The following NR1D2 variants were observed in gnomAD, a reference collection of about 807,000 sequenced individuals.
The protein encoded by NR1D2 is V-erbA-related protein 1-related.
In NR1D2, 25 loss-of-function variants were observed where a neutral mutation model predicts 52.2. That is an observed-to-expected ratio of 0.48 (90% CI 0.35 to 0.67). NR1D2 has a LOEUF of 0.67. NR1D2 is among the 30% of genes least tolerant of loss of function. NR1D2 has a pLI of 0.01. For missense variants in NR1D2, 681 were observed against 707.2 expected (o/e 0.96, Z 0.42); for synonymous variants, 259 against 230.1 (o/e 1.13, Z -1.14).
intron 5 of NR1D2, among the ~76,000 whole-genome samples, chr3:23,964,301 A>G (rs1575155303): frequency 6.6e-6 from 1 of 150,890 alleles, no homozygotes; most frequent in Non-Finnish European, 1.5e-5. Context: ...CTAGTCTCGA[A>G]CTCCTGACCT....
intron 6 of NR1D2, 30 bp downstream of exon 6, chr3:23,965,192 C>A: frequency 7.2e-7 from 1 of 1,383,854 alleles, no homozygotes; most frequent in Non-Finnish European, 9.9e-7. Context: ...AATATTGATG[C>A]AGGCAGGGCA....
chr3:23,958,597 G>A (rs964099854), intron 3 of NR1D2, among the ~76,000 whole-genome samples: 11 of 143,614 alleles, frequency 7.7e-5, no homozygotes, highest in African/African-American at 2.4e-4. Context: ...CTATTATTAC[G>A]TCATTGTACT....
chr3:23,945,825 G>C (rs1045791584), intron 1 of NR1D2, among the ~76,000 whole-genome samples: 2 of 149,648 alleles, frequency 1.3e-5, no homozygotes, highest in African/African-American at 2.4e-5. Context: ...GCCCGGCCCG[G>C]CCCCCCCCTC....
intron 1 of NR1D2, among the ~76,000 whole-genome samples, chr3:23,951,052 T>C (rs71324121): frequency 0.052 from 7,864 of 152,022 alleles, 297 homozygotes; most frequent in Non-Finnish European, 0.082. Flanking sequence ...ATTACAGGCA[T>C]GCGCCACCAC....
chr3:23,973,969 T>C (rs1706655234), intron 7 of NR1D2, among the ~76,000 whole-genome samples: 1 of 152,066 alleles, frequency 6.6e-6, no homozygotes, highest in South Asian at 2.1e-4. Context: ...CTGGAAGGTC[T>C]TCAGGAGCAG....
At chr3:23,946,193 G>A in intron 1 of NR1D2, 1 of 985,372 alleles carries the variant, frequency 1.0e-6, no homozygotes, top group Non-Finnish European at 1.2e-6. Context: ...CCGCGGCGGG[G>A]CGTCCCCGAA....
At chr3:23,946,229 G>A (rs1259884456) in intron 1 of NR1D2, 4 of 985,328 alleles carry the variant, frequency 4.1e-6, no homozygotes, top group East Asian at 1.1e-4. Flanking sequence ...GCAGTGCACC[G>A]GACGCCGCAC....
chr3:23,978,053 A>C lies in NR1D2; in HGVS notation c.*634A>C, dbSNP rs1321939933. 1 of 152,082 alleles carries C rather than the reference A, an allele frequency of 6.6e-6. No homozygotes were observed. The highest frequency in any genetic ancestry group is 2.4e-5 in the African/African-American group (1 of 41,400). The allele number at this position is 152,082 out of a possible 1,614,324, so 9.4% of individuals were successfully genotyped here. A position where few individuals can be genotyped will look rare whatever the true frequency, so the allele number is the denominator to read the frequency against. ...ATAGGCACTATGTAAATAAGGTAAA[A>C]TTTCTGTTATTACAATTATTCATAA... On this transcript the variant is annotated 3_prime_UTR_variant, in exon 8 of 8. Coordinates refer to ENST00000312521, the MANE Select transcript of NR1D2 (RefSeq NM_005126.5).
chr3:23,946,455 T>TC (rs986732393), intron 1 of NR1D2: 1 of 253,532 alleles, frequency 3.9e-6, no homozygotes, highest in African/African-American at 2.3e-5. Flanking sequence ...CCCGAGCGAC[T>TC]CCCCGCAGAC....
chr3:23,959,795 C>T lies in NR1D2; in HGVS notation c.497C>T (p.Ser166Phe). The change falls in exon 4 of 8, where the codon TCT becomes TTT. Residue 166 changes from serine (S) to phenylalanine (F), a missense_variant. Ser to Phe is a radical substitution (Grantham distance 155). Around this residue, in one of 3 missense-constraint regions of NR1D2, gnomAD observed 112 missense variants for 162.3 expected, o/e 0.69. Transcript: ENST00000312521. Reference protein sequence around the residue: ...CQQCRFKKCLSVGMSRDAVRF... With the variant: ...CQQCRFKKCLFVGMSRDAVRF... ...CAATGTCGCTTCAAAAAGTGTCTGT[C>T]TGTTGGAATGTCAAGAGATGGTATG... The T allele has an allele frequency of 6.2e-7, 1 of 1,613,370 alleles. No individual in the cohort carries two copies. The highest frequency in any genetic ancestry group is 1.3e-5 in the African/African-American group (1 of 75,006).
intron 7 of NR1D2, 49 bp from the exon 8 acceptor site, chr3:23,977,174 T>G (rs948625737): frequency 9.8e-7 from 1 of 1,025,430 alleles, no homozygotes; most frequent in Non-Finnish European, 1.3e-6. Context: ...TATTTAATGT[T>G]AATAATTTAT....
In NR1D2 at chr3:23,959,659, C is replaced by T; in HGVS notation, c.373-12C>T. ...TTTTTAAATGGGTAAGTAAATCTTC[C>T]TTTGTTCTTAGGGTTTCTTTCGGAG... is the stretch of plus-strand genomic sequence containing the variant. On this transcript the variant is annotated splice_polypyrimidine_tract_variant and intron_variant, in intron 3 of 7. Coordinates refer to ENST00000312521, the MANE Select transcript of NR1D2 (RefSeq NM_005126.5). The T allele has an allele frequency of 6.2e-7, 1 of 1,604,764 alleles. No individual in the cohort carries two copies. The highest frequency in any genetic ancestry group is 1.1e-5 in the South Asian group (1 of 89,426).
intron 7 of NR1D2, among the ~76,000 whole-genome samples, chr3:23,969,602 G>C (rs1706535863): frequency 6.6e-6 from 1 of 152,218 alleles, no homozygotes; most frequent in South Asian, 2.1e-4. Flanking sequence ...TGAAACCACA[G>C]ATAATCAATA....
intron 7 of NR1D2, among the ~76,000 whole-genome samples, chr3:23,976,474 G>A (rs1410404586): frequency 6.6e-6 from 1 of 152,190 alleles, no homozygotes; most frequent in African/African-American, 2.4e-5. Context: ...GCTTTCAGTT[G>A]TATGTAGTTA....
chr3:23,968,097 G>C, intron 7 of NR1D2, 74 bp downstream of exon 7: 1 of 1,194,540 alleles, frequency 8.4e-7, no homozygotes, highest in South Asian at 1.2e-5. Context: ...GCAGTTAACA[G>C]GGTTCCAGAA....
intron 6 of NR1D2, among the ~76,000 whole-genome samples, chr3:23,965,743 C>T (rs1456593846): frequency 6.6e-6 from 1 of 152,140 alleles, no homozygotes; most frequent in Non-Finnish European, 1.5e-5. Context: ...AGCATATGAA[C>T]TCCTGAGTTC....
chr3:23,945,587 G>C lies in NR1D2; in HGVS notation c.9G>C (p.Val3=). Reference sequence around the variant, plus strand: ...GCCTCCGCGAGGGCACCATGGAGGTGAATGCAGGTAAGAACCGGACTGCGG... The same window carrying C: ...GCCTCCGCGAGGGCACCATGGAGGTCAATGCAGGTAAGAACCGGACTGCGG... ME[V]NAGGVIAYIS... Residue 3 remains valine (V), a synonymous_variant, in exon 1 of 8, where the codon GTG becomes GTC. Transcript: ENST00000312521. 1 of 1,166,628 alleles carries C rather than the reference G, an allele frequency of 8.6e-7. No homozygotes were observed. The highest frequency in any genetic ancestry group is 1.1e-6 in the Non-Finnish European group (1 of 938,794). 72.3% of individuals were successfully genotyped at this position (1,166,628 alleles called of 1,614,324 possible). A position where few individuals can be genotyped will look rare whatever the true frequency, so the allele number is the denominator to read the frequency against.
At position 23,974,478 on chromosome 3, in the gene NR1D2, C is replaced by G. The variant is rs568437175; in HGVS notation, c.1544-2745C>G. Among the ~76,000 whole-genome samples, 3 of 152,198 alleles carry G rather than the reference C, an allele frequency of 2.0e-5. No individual in the cohort carries two copies. In the East Asian group the frequency reaches 5.8e-4, roughly 29 times the overall value. On this transcript the variant is annotated intron_variant, in intron 7 of 7. Coordinates refer to ENST00000312521, the MANE Select transcript of NR1D2 (RefSeq NM_005126.5). Reference sequence around the variant, plus strand: ...TCTGCCATTAACTGAAACATTGTTACGTGGCACATGACTATTTTCCTCTGT... The same window carrying G: ...TCTGCCATTAACTGAAACATTGTTAGGTGGCACATGACTATTTTCCTCTGT...
intron 1 of NR1D2, among the ~76,000 whole-genome samples, chr3:23,948,699 G>A (rs1705845075): frequency 6.6e-6 from 1 of 152,198 alleles, no homozygotes; most frequent in African/African-American, 2.4e-5. Context: ...TAAGTAAATT[G>A]AAGCTAAATA....
Sources: allele counts gnomAD v4.1 joint callset (sites outside exome capture counted in the v4.1 genomes callset), GRCh38; gene constraint gnomAD v4.1.1; regional missense constraint gnomAD v4.1.1; transcripts MANE v1.5; gene names NCBI Gene and HGNC (gene_info 2026-07-23, HGNC 2026-07-21).